The following KLHL7 variants were observed in gnomAD, a reference collection of about 807,000 sequenced individuals.
KLHL7 encodes the protein kelch like family member 7, also known as kelch-like protein 7.
A neutral mutation model predicts 67.4 loss-of-function variants in KLHL7; 44 were observed. That is an observed-to-expected ratio of 0.65 (90% CI 0.51 to 0.84). KLHL7 has a LOEUF of 0.84. Among genes scored for constraint, KLHL7 ranks in the 40% least tolerant of loss-of-function variants. KLHL7 has a pLI of 0.00. For missense variants in KLHL7, 362 were observed against 718.1 expected, an observed-to-expected ratio of 0.50 and a Z score of 5.67; for synonymous variants, 252 against 243.3, an observed-to-expected ratio of 1.04 and a Z score of -0.33.
chr7:23,144,934 CAA>C (rs776556075), intron 6 of KLHL7, among the ~76,000 whole-genome samples: 2 of 140,090 alleles, frequency 1.4e-5, no homozygotes, highest in Non-Finnish European at 1.6e-5. Flanking sequence ...TCCAACTCTC[CAA>C]AAAAAAAAAA....
chr7:23,173,195 G>C lies in KLHL7; in HGVS notation c.1477+150G>C, dbSNP rs1785215267. ...ATAGTTTCTGGGAATTAACATACTT[G>C]ATAAAATATCGCAGGATGTTAAACA... On this transcript the variant is annotated intron_variant, in intron 10 of 10. Transcript: ENST00000339077. The C allele has an allele frequency of 4.8e-6, 3 of 630,488 alleles. No homozygotes were observed. In the East Asian group the frequency reaches 8.5e-5, roughly 18 times the overall value. The allele number at this position is 630,488 out of a possible 1,614,324, so 39.1% of individuals were successfully genotyped here. A position where few individuals can be genotyped will look rare whatever the true frequency, so the allele number is the denominator to read the frequency against.
intron 4 of KLHL7, among the ~76,000 whole-genome samples, chr7:23,137,313 G>C (rs550207129): frequency 1.3e-5 from 2 of 151,892 alleles, no homozygotes; most frequent in Non-Finnish European, 2.9e-5. Flanking sequence ...TAATAAAGCA[G>C]AGAAATAAAA....
intron 8 of KLHL7, 96 bp downstream of exon 8, chr7:23,166,034 A>G: frequency 7.3e-7 from 1 of 1,365,276 alleles, no homozygotes; most frequent in Non-Finnish European, 1.0e-6. Context: ...TTATTTGTCC[A>G]GATACTTTCT....
chr7:23,151,157 G>T (rs2390756), intron 6 of KLHL7, among the ~76,000 whole-genome samples: 6,220 of 49,724 alleles, frequency 0.13, 169 homozygotes, highest in African/African-American at 0.33. Flanking sequence ...GGCCTGTTTT[G>T]TTTTTTTTTT....
intron 1 of KLHL7, among the ~76,000 whole-genome samples, chr7:23,109,152 G>A (rs1370350884): frequency 2.0e-5 from 3 of 152,150 alleles, no homozygotes; most frequent in Admixed American, 2.0e-4. Flanking sequence ...TTACGCTTCT[G>A]CCAGTTGTGT....
chr7:23,139,623 A>C lies in KLHL7; in HGVS notation c.443-1146A>C, dbSNP rs1296060340. Among the ~76,000 whole-genome samples, 4 of 152,228 alleles carry C rather than the reference A, an allele frequency of 2.6e-5. No homozygotes were observed. In the East Asian group the frequency reaches 5.8e-4, roughly 22 times the overall value. On this transcript the variant is annotated intron_variant, in intron 4 of 10. Coordinates refer to ENST00000339077, the MANE Select transcript of KLHL7 (RefSeq NM_001031710.3). ...TGGTTAACAAGCATCAGCTTTGAGA[A>C]CCTTTATGGCACAAATATGAAAGCA...
At chr7:23,138,677 A>G (rs528851035) in intron 4 of KLHL7, among the ~76,000 whole-genome samples, 2 of 151,874 alleles carry the variant, frequency 1.3e-5, no homozygotes, top group South Asian at 4.2e-4. Flanking sequence ...AGCTGGGATT[A>G]TAGATGCGCG....
At chr7:23,132,924 G>A (rs576122042) in intron 4 of KLHL7, among the ~76,000 whole-genome samples, 32 of 152,202 alleles carry the variant, frequency 2.1e-4, no homozygotes, top group Admixed American at 6.5e-4. Context: ...TGTATTCTTG[G>A]CACCTTTGTT....
intron 7 of KLHL7, among the ~76,000 whole-genome samples, chr7:23,164,723 C>T (rs889983497): frequency 1.3e-5 from 2 of 152,148 alleles, no homozygotes; most frequent in Non-Finnish European, 2.9e-5. Context: ...CCTAAGAGAC[C>T]ATTCCTGATG....
At chr7:23,113,823 TC>T (rs1292346946) in intron 1 of KLHL7, among the ~76,000 whole-genome samples, 1 of 152,084 alleles carries the variant, frequency 6.6e-6, no homozygotes, top group Non-Finnish European at 1.5e-5. Flanking sequence ...CGAAACTCTG[TC>T]TCAAAAAAAC....
At chr7:23,110,427 C>T (rs1782817910) in intron 1 of KLHL7, among the ~76,000 whole-genome samples, 1 of 152,102 alleles carries the variant, frequency 6.6e-6, no homozygotes, top group Non-Finnish European at 1.5e-5. Context: ...CTTTGTTGAG[C>T]ATCTTTAACT....
chr7:23,171,064 C>T (rs539388253), intron 9 of KLHL7: 1 of 182,080 alleles, frequency 5.5e-6, no homozygotes, highest in African/African-American at 2.4e-5. Context: ...CACGCCACCA[C>T]ACGGGCTAAT....
intron 7 of KLHL7, among the ~76,000 whole-genome samples, chr7:23,160,072 TCTC>T (rs1319377064): frequency 2.0e-5 from 3 of 152,212 alleles, no homozygotes; most frequent in Non-Finnish European, 2.9e-5. Flanking sequence ...ACCTGGGACA[TCTC>T]CTGTACTCTG....
chr7:23,173,105 T>C, intron 10 of KLHL7, 60 bp downstream of exon 10: 1 of 1,134,128 alleles, frequency 8.8e-7, no homozygotes, highest in East Asian at 2.4e-5. Flanking sequence ...CTTCCTTAAA[T>C]TATTGAAGCA....
chr7:23,145,549 G>A (rs1240776477), intron 6 of KLHL7, among the ~76,000 whole-genome samples: 4 of 152,154 alleles, frequency 2.6e-5, no homozygotes, highest in African/African-American at 7.2e-5. Flanking sequence ...GTATGAGTGG[G>A]CATCTCAGTT....
At position 23,165,823 on chromosome 7, in the gene KLHL7, C is replaced by T. The variant is rs1185105440; in HGVS notation, c.1062C>T (p.Cys354=). 6.2e-7 allele frequency: 1 copy of T among 1,614,000 alleles called. No individual in the cohort carries two copies. Among genetic ancestry groups the T allele is most frequent in the African/African-American group, 1.3e-5 (1 of 74,920 alleles). The change falls in exon 8 of 11, where the codon TGC becomes TGT. Residue 354 remains cysteine, a synonymous_variant. Coordinates refer to ENST00000339077, the MANE Select transcript of KLHL7 (RefSeq NM_001031710.3). ...SQLFPIKRMD[C]YNVVKDSWYS... ...TTTTCCCAATAAAGCGAATGGACTG[C>T]TATAATGTAGTGAAGGATAGCTGGT...
Position 23,105,806 on chromosome 7 carries a change from C to A in KLHL7, c.-221C>A. The A allele has an allele frequency of 3.2e-6, 2 of 622,360 alleles. No individual in the cohort carries two copies. Among genetic ancestry groups the A allele is most frequent in the African/African-American group, 1.8e-5 (1 of 54,414 alleles). 38.6% of individuals were successfully genotyped at this position (622,360 alleles called of 1,614,324 possible). On this transcript the variant is annotated 5_prime_UTR_variant, in exon 1 of 11. Transcript: ENST00000339077. ...GCTCGGGTTCTGCCCGGGGACGCAGCCCAGTTGGTAGCGTCGCTCCCTGAG... is the reference window on the plus strand; with the variant it reads ...GCTCGGGTTCTGCCCGGGGACGCAGACCAGTTGGTAGCGTCGCTCCCTGAG...
At chr7:23,152,802 T>C (rs1452365971) in intron 7 of KLHL7, among the ~76,000 whole-genome samples, 1 of 152,204 alleles carries the variant, frequency 6.6e-6, no homozygotes, top group African/African-American at 2.4e-5. Flanking sequence ...CTTAAGACGG[T>C]CCACTCACAT....
At chr7:23,166,289 A>G (rs1365232310) in intron 8 of KLHL7, among the ~76,000 whole-genome samples, 3 of 152,144 alleles carry the variant, frequency 2.0e-5, no homozygotes, top group Non-Finnish European at 4.4e-5. Flanking sequence ...ACTCGTTACT[A>G]TATTCAGGCT....
Sources: allele counts gnomAD v4.1 joint callset (sites outside exome capture counted in the v4.1 genomes callset), GRCh38; gene constraint gnomAD v4.1.1; transcripts MANE v1.5; gene names NCBI Gene and HGNC (gene_info 2026-07-23, HGNC 2026-07-21).